IFT25: variants seen among roughly 807,000 people sequenced by gnomAD.
IFT25 encodes the protein intraflagellar transport 25.
At chr1:53,921,735 G>T in the IFT25 span, 6 of 1,613,724 alleles carry the variant, frequency 3.7e-6, no homozygotes, top group South Asian at 6.6e-5. Flanking sequence ...ATACAATAAT[G>T]AATCTCAAGT....
At chr1:53,931,876 A>C in the IFT25 span, among the ~76,000 whole-genome samples, 1 of 151,580 alleles carries the variant, frequency 6.6e-6, no homozygotes, top group African/African-American at 2.4e-5. Context: ...ATTTTCTTCT[A>C]TTTACTTTGG....
At chr1:53,946,087 G>C in the IFT25 span, 1 of 151,454 alleles carries the variant, frequency 6.6e-6, no homozygotes, top group Admixed American at 6.6e-5. Context: ...ATTACTTCGC[G>C]GGCCAAGATG....
At chr1:53,914,549 G>A in the IFT25 span, among the ~76,000 whole-genome samples, 17 of 151,982 alleles carry the variant, frequency 1.1e-4, no homozygotes, top group African/African-American at 3.1e-4. Flanking sequence ...ATATGGCTGC[G>A]TAGTAGTTTC....
chr1:53,930,236 TGAC>T, the IFT25 span: 4 of 1,205,340 alleles, frequency 3.3e-6, no homozygotes, highest in South Asian at 6.3e-5. Flanking sequence ...TAAAATTAAA[TGAC>T]TACTGGATTC....
the IFT25 span, among the ~76,000 whole-genome samples, chr1:53,944,653 C>T: frequency 6.6e-6 from 1 of 152,118 alleles, no homozygotes; most frequent in African/African-American, 2.4e-5. Context: ...AAAAACAAAA[C>T]AAAGTGCAGG....
At chr1:53,940,160 C>T in the IFT25 span, 8 of 826,756 alleles carry the variant, frequency 9.7e-6, no homozygotes, top group Non-Finnish European at 1.2e-5. Context: ...TCTGAGAAAA[C>T]GAAGTGAGAA....
the IFT25 span, chr1:53,921,915 C>T: frequency 3.4e-6 from 2 of 586,776 alleles, no homozygotes; most frequent in East Asian, 5.6e-5. Context: ...AGTTGTGGTA[C>T]ATATCAGCTA....
the IFT25 span, chr1:53,940,116 CA>C: frequency 5.8e-6 from 7 of 1,208,206 alleles, no homozygotes; most frequent in East Asian, 2.4e-5. Context: ...TAAAAAATAA[CA>C]AAAAAAGCAA....
the IFT25 span, among the ~76,000 whole-genome samples, chr1:53,941,104 C>T: frequency 2.0e-5 from 3 of 152,106 alleles, no homozygotes; most frequent in Non-Finnish European, 4.4e-5. Context: ...AAGCAATTCT[C>T]CTGCCTCAGC....
the IFT25 span, chr1:53,923,828 A>G: frequency 4.6e-6 from 4 of 872,424 alleles, no homozygotes; most frequent in Admixed American, 7.2e-5. Flanking sequence ...TTTATTAACT[A>G]TGACTATGGA....
the IFT25 span, among the ~76,000 whole-genome samples, chr1:53,938,605 G>A: frequency 6.6e-6 from 1 of 152,154 alleles, no homozygotes; most frequent in African/African-American, 2.4e-5. Flanking sequence ...ATGATTAAAA[G>A]TAGTACTTAA....
chr1:53,935,495 T>G, the IFT25 span, among the ~76,000 whole-genome samples: 1 of 150,838 alleles, frequency 6.6e-6, no homozygotes, highest in Non-Finnish European at 1.5e-5. Context: ...CTAAAATTGA[T>G]TGTGGAGATG....
the IFT25 span, chr1:53,921,711 A>C: frequency 6.2e-7 from 1 of 1,614,072 alleles, no homozygotes; most frequent in Non-Finnish European, 8.5e-7. Context: ...CAGATGCAAA[A>C]TGATCAAAGG....
chr1:53,919,644 GCTAA>G, the IFT25 span, among the ~76,000 whole-genome samples: 2 of 152,144 alleles, frequency 1.3e-5, no homozygotes, highest in South Asian at 2.1e-4. Flanking sequence ...CAGAGCAAAA[GCTAA>G]CTGATACACT....
chr1:53,930,033 G>T, the IFT25 span: 93 of 1,530,060 alleles, frequency 6.1e-5, no homozygotes, highest in African/African-American at 1.2e-3. Flanking sequence ...TGTAAGATTT[G>T]CTTACCAAAG....
At chr1:53,912,764 T>C in the IFT25 span, among the ~76,000 whole-genome samples, 1 of 152,202 alleles carries the variant, frequency 6.6e-6, no homozygotes, top group Non-Finnish European at 1.5e-5. Context: ...CATAGGCCAG[T>C]GTAGTTCAAT....
chr1:53,926,078 A>C, the IFT25 span, among the ~76,000 whole-genome samples: 3 of 135,214 alleles, frequency 2.2e-5, no homozygotes, highest in South Asian at 6.8e-4. Flanking sequence ...CTCCAGTCTC[A>C]AAAAAAAAAA....
At chr1:53,921,476 C>T in the IFT25 span, 1 of 552,568 alleles carries the variant, frequency 1.8e-6, no homozygotes, top group Non-Finnish European at 3.3e-6. Flanking sequence ...TAATTTCCCC[C>T]ATGGTGGCCA....
the IFT25 span, among the ~76,000 whole-genome samples, chr1:53,938,067 G>T: frequency 6.6e-6 from 1 of 152,154 alleles, no homozygotes; most frequent in Non-Finnish European, 1.5e-5. Flanking sequence ...GTAATTTTGA[G>T]CAAGTCATTT....
Sources: allele counts gnomAD v4.1 joint callset (sites outside exome capture counted in the v4.1 genomes callset), GRCh38; gene constraint gnomAD v4.1.1; transcripts MANE v1.5; gene names NCBI Gene and HGNC (gene_info 2026-07-23, HGNC 2026-07-21).